MESD: variants seen among roughly 807,000 people sequenced by gnomAD.
MESD encodes LRP chaperone MESD.
A neutral mutation model predicts 12.9 loss-of-function variants in MESD; 7 were observed. The observed-to-expected ratio is 0.54, with a 90% CI of 0.31 to 1.02. MESD has a LOEUF of 1.02. Among genes scored for constraint, MESD ranks in the 50% least tolerant of loss-of-function variants. MESD has a pLI of 0.05. For synonymous variants in MESD, 126 were observed against 115.6 expected, an observed-to-expected ratio of 1.09 and a Z score of -0.58; for missense variants, 342 against 296.7, an observed-to-expected ratio of 1.15 and a Z score of -1.12.
intron 3 of MESD, chr15:80,970,576 T>C (rs1489702812): frequency 6.6e-6 from 1 of 152,240 alleles, no homozygotes; most frequent in Non-Finnish European, 1.5e-5. Flanking sequence ...TAATTATCGT[T>C]GTCTTCCTCT....
intron 2 of MESD, among the ~76,000 whole-genome samples, chr15:80,981,266 T>A (rs1184400809): frequency 6.6e-6 from 1 of 150,978 alleles, no homozygotes; most frequent in Admixed American, 6.6e-5. Context: ...TGAAACCCCG[T>A]CTCTATTAAA....
At position 80,978,563 on chromosome 15, in the gene MESD, C is replaced by G. The variant is rs1290414756; in HGVS notation, c.*656G>C. On this transcript the variant is annotated 3_prime_UTR_variant, in exon 3 of 3. Transcript: ENST00000261758. ...TCCTAAATAAGGAAACAAAACAGAA[C>G]CCCTAACTTTACAGACCACATAAAA... The G allele has an allele frequency of 1.3e-5, 2 of 152,218 alleles. No homozygotes were observed. Among genetic ancestry groups the G allele is most frequent in the Admixed American group, 1.3e-4 (2 of 15,282 alleles). The allele number at this position is 152,218 out of a possible 1,614,324, so 9.4% of individuals were successfully genotyped here. A position where few individuals can be genotyped will look rare whatever the true frequency, so the allele number is the denominator to read the frequency against.
At chr15:80,982,547 C>T (rs1902609561) in intron 1 of MESD, among the ~76,000 whole-genome samples, 1 of 152,072 alleles carries the variant, frequency 6.6e-6, no homozygotes, top group African/African-American at 2.4e-5. Flanking sequence ...CTAACAAATC[C>T]CAAAAATGTT....
chr15:80,989,404 C>T (rs1893232297), intron 1 of MESD, among the ~76,000 whole-genome samples, 175 bp downstream of exon 1: 1 of 151,984 alleles, frequency 6.6e-6, no homozygotes, highest in Non-Finnish European at 1.5e-5. Flanking sequence ...GCAGGGCGCG[C>T]GGGTCAGAGG....
rs1476235473 is a variant in MESD at position 80,978,532 on chromosome 15, ACT to A, written c.*685_*686del. ...CATATAACCCCTCGACACCAGCAGTACTCTTTCCTAAATAAGGAAACAAAACA... is the reference window on the plus strand; with the variant it reads ...CATATAACCCCTCGACACCAGCAGTACTTTCCTAAATAAGGAAACAAAACA... On this transcript the variant is annotated 3_prime_UTR_variant, in exon 3 of 3. Transcript: ENST00000261758. 5.3e-5 allele frequency: 8 copies of A among 152,268 alleles called. No homozygotes were observed. The highest frequency in any genetic ancestry group is 1.2e-4 in the Non-Finnish European group (8 of 68,092). The allele number at this position is 152,268 out of a possible 1,614,324, so 9.4% of individuals were successfully genotyped here.
At chr15:80,949,388 A>ATCTT (rs914770588) in intron 4 of MESD, 16 of 260,978 alleles carry the variant, frequency 6.1e-5, no homozygotes, top group African/African-American at 2.8e-4. Flanking sequence ...CCTTAAGGAA[A>ATCTT]TCTTTACTCC....
At chr15:80,955,450 A>C (rs1224853042) in intron 3 of MESD, among the ~76,000 whole-genome samples, 2 of 139,336 alleles carry the variant, frequency 1.4e-5, no homozygotes, top group African/African-American at 5.5e-5. Flanking sequence ...AGATTGCGCC[A>C]CTGCACTCCA....
chr15:80,974,736 AG>A (rs1902367862), downstream of MESD, among the ~76,000 whole-genome samples: 1 of 150,844 alleles, frequency 6.6e-6, no homozygotes, highest in African/African-American at 2.4e-5. Context: ...AGAAGGATTA[AG>A]AAAAAAGATT....
intron 3 of MESD, chr15:80,953,080 CAG>C (rs773463285): frequency 4.4e-6 from 2 of 455,910 alleles, no homozygotes; most frequent in Non-Finnish European, 8.8e-6. Flanking sequence ...TTGTAAGAGG[CAG>C]AGTCTGACAG....
chr15:80,948,277 G>A, exon 5 of MESD: 1 of 205,074 alleles, frequency 4.9e-6, no homozygotes, highest in Non-Finnish European at 1.0e-5. Context: ...TGGGTTTCAG[G>A]GGTTTAGAGT....
chr15:80,971,490 A>G (rs1290237164), downstream of MESD, among the ~76,000 whole-genome samples: 2 of 152,192 alleles, frequency 1.3e-5, no homozygotes, highest in African/African-American at 4.8e-5. Flanking sequence ...CCTGATATCT[A>G]ATCAAGTTCC....
chr15:80,953,410 G>C (rs949499758), intron 3 of MESD, among the ~76,000 whole-genome samples: 1 of 152,174 alleles, frequency 6.6e-6, no homozygotes, highest in Non-Finnish European at 1.5e-5. Flanking sequence ...AAGCCACAGA[G>C]AGGTTGGGGT....
At chr15:80,949,532 A>G (rs1488992331) in intron 4 of MESD, 1 of 170,516 alleles carries the variant, frequency 5.9e-6, no homozygotes, top group African/African-American at 2.4e-5. Flanking sequence ...CTTGGACTAG[A>G]TGACTCTCAA....
At chr15:80,947,742 A>G (rs1444688258) in exon 5 of MESD, 7 of 153,532 alleles carry the variant, frequency 4.6e-5, no homozygotes, top group South Asian at 4.1e-4. Context: ...TTGCTATTCA[A>G]TGTTCAGCCT....
chr15:80,989,486 G>T, intron 1 of MESD, 93 bp downstream of exon 1: 1 of 1,400,050 alleles, frequency 7.1e-7, no homozygotes, highest in Non-Finnish European at 9.8e-7. Flanking sequence ...AGGTTAGGGG[G>T]TCAGAAAGGT....
chr15:80,963,609 C>T (rs1345366772), intron 3 of MESD, among the ~76,000 whole-genome samples: 1 of 152,218 alleles, frequency 6.6e-6, no homozygotes, highest in Non-Finnish European at 1.5e-5. Flanking sequence ...AATCCAGCAG[C>T]ACATCAGAAA....
At chr15:80,968,603 T>G (rs986417158) in intron 3 of MESD, among the ~76,000 whole-genome samples, 2 of 151,940 alleles carry the variant, frequency 1.3e-5, no homozygotes, top group African/African-American at 4.8e-5. Context: ...GCTCAGGAGT[T>G]TAAGACCAGC....
At chr15:80,984,477 T>G (rs963580476) in intron 1 of MESD, among the ~76,000 whole-genome samples, 1 of 152,074 alleles carries the variant, frequency 6.6e-6, no homozygotes, top group African/African-American at 2.4e-5. Flanking sequence ...TTATGCTAAG[T>G]GAAAGAAGCC....
At position 80,978,373 on chromosome 15, in the gene MESD, C is replaced by G. The variant is rs551715314; in HGVS notation, c.*846G>C. The G allele has an allele frequency of 6.6e-6, 1 of 152,114 alleles. No homozygotes were observed. Among genetic ancestry groups the G allele is most frequent in the Non-Finnish European group, 1.5e-5 (1 of 68,034 alleles). 9.4% of individuals were successfully genotyped at this position (152,114 alleles called of 1,614,324 possible). A position where few individuals can be genotyped will look rare whatever the true frequency, so the allele number is the denominator to read the frequency against. On this transcript the variant is annotated 3_prime_UTR_variant, in exon 3 of 3. Transcript: ENST00000261758. ...CAGTAGCACATCATGTTACTCTATA[C>G]GAAAGCACAGATTTAGGCACTTTAT... is the stretch of plus-strand genomic sequence containing the variant.
Sources: gnomAD v4.1 joint callset for allele counts (sites outside exome capture counted in the v4.1 genomes callset) on GRCh38, gnomAD v4.1.1 for gene constraint, MANE v1.5 for transcripts, NCBI Gene and HGNC (gene_info 2026-07-23, HGNC 2026-07-21) for gene names.